SAP130: variants seen among roughly 807,000 people sequenced by gnomAD.
SAP130 encodes histone deacetylase complex subunit SAP130.
SAP130 carries 16 observed loss-of-function variants against 103.2 expected under a neutral mutation model. The ratio of observed to expected loss-of-function variants is 0.16; its 90% confidence interval spans 0.10 to 0.24. The LOEUF (loss-of-function observed/expected upper bound fraction) is 0.24. Ranked by LOEUF, SAP130 falls within the 10% of genes least tolerant of loss-of-function variation. The pLI is 1.00. For missense variants in SAP130, 990 were observed against 1,359.7 expected (o/e 0.73, Z 4.28); for synonymous variants, 477 against 497.0 (o/e 0.96, Z 0.53).
intron 15 of SAP130, among the ~76,000 whole-genome samples, chr2:127,956,156 C>G (rs1679825217): frequency 1.3e-5 from 2 of 152,118 alleles, no homozygotes; most frequent in Non-Finnish European, 2.9e-5. Context: ...CATAAAAACT[C>G]TAAAAGACTG....
At chr2:127,944,418 G>A (rs1384291995) in intron 19 of SAP130, among the ~76,000 whole-genome samples, 1 of 130,510 alleles carries the variant, frequency 7.7e-6, no homozygotes, top group African/African-American at 2.7e-5. Flanking sequence ...AACATAGTGA[G>A]ACCCTGTCTC....
At chr2:127,951,907 A>G (rs1679519403) in intron 16 of SAP130, among the ~76,000 whole-genome samples, 1 of 152,176 alleles carries the variant, frequency 6.6e-6, no homozygotes, top group Admixed American at 6.5e-5. Context: ...ACTGAAAAAG[A>G]TAGATGCAAT....
At chr2:128,009,321 ATTAG>A (rs1356996451) in intron 7 of SAP130, among the ~76,000 whole-genome samples, 2 of 152,102 alleles carry the variant, frequency 1.3e-5, no homozygotes, top group African/African-American at 4.8e-5. Flanking sequence ...AAATAAAAAA[ATTAG>A]TTAGGCATGG....
rs780226534 is a variant in SAP130, at chr2:128,027,060, C to A, written c.-6-762G>T. On this transcript the variant is annotated intron_variant, in intron 1 of 20. Coordinates refer to ENST00000643581, the MANE Select transcript of SAP130 (RefSeq NM_001330301.2). ...GGGTGCGGACGGGCGATCTGGGGAC[C>A]CGACCACAAGACGAGCACTGTGCCT... 3 of 1,405,850 alleles carry A rather than the reference C, an allele frequency of 2.1e-6. No individual in the cohort carries two copies. The South Asian group carries it at 5.2e-5, about 24-fold the overall frequency. The allele number at this position is 1,405,850 out of a possible 1,614,324, so 87.1% of individuals were successfully genotyped here.
chr2:128,023,759 A>T (rs1685306678), intron 2 of SAP130, among the ~76,000 whole-genome samples: 1 of 152,200 alleles, frequency 6.6e-6, no homozygotes, highest in East Asian at 1.9e-4. Flanking sequence ...CCTGGGAGAC[A>T]GAGTGAGACT....
chr2:128,015,801 G>A (rs1261843484), intron 4 of SAP130, among the ~76,000 whole-genome samples: 1 of 151,862 alleles, frequency 6.6e-6, no homozygotes, highest in East Asian at 1.9e-4. Context: ...ATTAGCTGGG[G>A]GTGGTGGTGC....
chr2:127,950,351 T>C lies in SAP130; in HGVS notation c.2480A>G (p.Asn827Ser). ...TAGGTCACTTGTAGGCATGGACAAG[T>C]TGTTTGCCAGCAATGCAAGAGATGG... The part of the protein sequence containing the change: ...VSPSLALLAN[N>S]LSMPTSDLPP... Residue 827 changes from asparagine (N) to serine (S), a missense_variant, in exon 17 of 21, where the codon AAC (asparagine) becomes AGC (serine). By Grantham distance (46) the Asn-to-Ser change is conservative. This residue lies in a region of SAP130 where 349 missense variants were observed against 384.1 expected (regional missense o/e 0.91). Coordinates refer to ENST00000643581, the MANE Select transcript of SAP130 (RefSeq NM_001330301.2). 1.2e-6 allele frequency: 2 copies of C among 1,614,184 alleles called. No homozygotes were observed. Among genetic ancestry groups the C allele is most frequent in the African/African-American group, 2.7e-5 (2 of 75,052 alleles).
chr2:127,977,394 G>A (rs902470723), intron 15 of SAP130, among the ~76,000 whole-genome samples: 8 of 149,680 alleles, frequency 5.3e-5, no homozygotes, highest in Non-Finnish European at 1.2e-4. Flanking sequence ...CAGCTACTCC[G>A]GTGGCCGAGG....
intron 15 of SAP130, among the ~76,000 whole-genome samples, chr2:127,956,496 T>C (rs1044863996): frequency 2.8e-5 from 4 of 141,088 alleles, no homozygotes; most frequent in Non-Finnish European, 6.0e-5. Context: ...TAGGTGGGAA[T>C]TGAATAATGA....
In SAP130 at chr2:128,010,397, C is replaced by T. The variant is rs1194276828; in HGVS notation, c.745-4G>A. 5 of 1,602,086 alleles carry T rather than the reference C, an allele frequency of 3.1e-6. No homozygotes were observed. The highest frequency in any genetic ancestry group is 4.3e-6 in the Non-Finnish European group (5 of 1,175,784). On this transcript the variant is annotated splice_polypyrimidine_tract_variant and splice_region_variant and intron_variant, in intron 6 of 20. Coordinates refer to ENST00000643581, the MANE Select transcript of SAP130 (RefSeq NM_001330301.2). ...AGGTGGTCACAGGTGGCCGAGACTA[C>T]CAAAAGAGAAAAAACAGTTCATTTA...
At chr2:127,948,394 C>T (rs1159689155) in intron 18 of SAP130, among the ~76,000 whole-genome samples, 4 of 129,994 alleles carry the variant, frequency 3.1e-5, no homozygotes, top group Admixed American at 9.3e-5. Context: ...AGTGTGGTAG[C>T]GGTGGTGCGA....
intron 15 of SAP130, among the ~76,000 whole-genome samples, chr2:127,971,462 T>A (rs1400527422): frequency 1.3e-5 from 2 of 152,020 alleles, no homozygotes; most frequent in Non-Finnish European, 2.9e-5. Flanking sequence ...ATTTTTTGTA[T>A]GTTTTTAGTA....
Position 127,968,257 on chromosome 2 carries a change from C to T in SAP130, c.2063+9728G>A, listed in dbSNP as rs537832333. Among the ~76,000 whole-genome samples the T allele has an allele frequency of 1.4e-3, 219 of 151,732 alleles. 6 individuals are homozygous for T. The highest frequency in any genetic ancestry group is 0.014 in the Admixed American group (217 of 15,214). On this transcript the variant is annotated intron_variant, in intron 15 of 20. Coordinates refer to ENST00000643581, the MANE Select transcript of SAP130 (RefSeq NM_001330301.2). ...CGGAGTAGCTGGGGATTACAGGCGGCCCCCACCATGTCCAGCTAATTTTTT... is the reference window on the plus strand; with the variant it reads ...CGGAGTAGCTGGGGATTACAGGCGGTCCCCACCATGTCCAGCTAATTTTTT...
At chr2:127,969,943 A>G (rs1299324122) in intron 15 of SAP130, among the ~76,000 whole-genome samples, 3 of 152,074 alleles carry the variant, frequency 2.0e-5, no homozygotes, top group African/African-American at 4.8e-5. Flanking sequence ...AAAAAAATTT[A>G]TTTAGGCCAG....
At chr2:128,006,574 A>T (rs1683988008) in intron 7 of SAP130, among the ~76,000 whole-genome samples, 1 of 152,124 alleles carries the variant, frequency 6.6e-6, no homozygotes, top group Non-Finnish European at 1.5e-5. Flanking sequence ...CAGGAGTTTG[A>T]CACCAGCCTG....
chr2:127,964,931 G>A (rs140926388), intron 15 of SAP130, among the ~76,000 whole-genome samples: 3,142 of 149,284 alleles, frequency 0.021, 109 homozygotes, highest in African/African-American at 0.072. Flanking sequence ...CCCGGGAGGC[G>A]GAAGTTGCAG....
chr2:127,966,664 C>T (rs1336182993), intron 15 of SAP130, among the ~76,000 whole-genome samples: 1 of 151,966 alleles, frequency 6.6e-6, no homozygotes, highest in African/African-American at 2.4e-5. Context: ...GACTGCGCCA[C>T]TGCACTCCAA....
At chr2:128,022,817 G>A (rs918359780) in intron 2 of SAP130, among the ~76,000 whole-genome samples, 1 of 151,738 alleles carries the variant, frequency 6.6e-6, no homozygotes, top group African/African-American at 2.4e-5. Context: ...TTTTACTACT[G>A]AGTTATAAGT....
intron 10 of SAP130, among the ~76,000 whole-genome samples, chr2:127,997,396 C>T (rs1683247438): frequency 2.0e-5 from 3 of 152,292 alleles, no homozygotes; most frequent in Admixed American, 1.3e-4. Flanking sequence ...CAGTGAGAGG[C>T]ACATTAACAA....
Sources: gnomAD v4.1 joint callset for allele counts (sites outside exome capture counted in the v4.1 genomes callset) on GRCh38, gnomAD v4.1.1 for gene constraint, gnomAD v4.1.1 regional missense constraint, MANE v1.5 for transcripts, NCBI Gene and HGNC (gene_info 2026-07-23, HGNC 2026-07-21) for gene names.